DIP2C: variants seen among roughly 807,000 people sequenced by gnomAD.
DIP2C encodes DIP2 acetate--CoA ligase C (putative).
In DIP2C, 33 loss-of-function variants were observed where a neutral mutation model predicts 192.4. The ratio of observed to expected loss-of-function variants is 0.17; its 90% CI spans 0.13 to 0.23. DIP2C has a LOEUF of 0.23. Among genes scored for constraint, DIP2C ranks in the 10% least tolerant of loss-of-function variants. The pLI, the probability that DIP2C is intolerant of heterozygous loss-of-function variation, is 1.00. For synonymous variants in DIP2C, 979 were observed against 864.1 expected (o/e 1.13, Z -2.33); for missense variants, 1,537 against 2,110.1 (o/e 0.73, Z 5.32).
chr10:420,963 G>A (rs946152508), intron 5 of DIP2C, among the ~76,000 whole-genome samples: 11 of 152,182 alleles, frequency 7.2e-5, no homozygotes, highest in Non-Finnish European at 1.2e-4. Context: ...GATCACACAC[G>A]CTACTTTCCT....
intron 1 of DIP2C, among the ~76,000 whole-genome samples, chr10:549,948 A>C (rs942981192): frequency 6.6e-6 from 1 of 150,988 alleles, no homozygotes; most frequent in African/African-American, 2.4e-5. Context: ...AGTCCCCAAC[A>C]CAAGGTCTAC....
At chr10:384,227 G>C (rs1589668740) in intron 15 of DIP2C, 81 bp from the exon 16 acceptor site, 10 of 1,444,574 alleles carry the variant, frequency 6.9e-6, no homozygotes, top group Non-Finnish European at 9.3e-6. Context: ...ATTGTGAGTA[G>C]TGGGGAAGGG....
At chr10:285,803 G>A (rs145613962) in intron 34 of DIP2C, among the ~76,000 whole-genome samples, 28 of 152,352 alleles carry the variant, frequency 1.8e-4, no homozygotes, top group African/African-American at 6.5e-4. Context: ...AACACAATGA[G>A]GCAAAGGTGT....
chr10:282,750 C>A (rs12261918), intron 35 of DIP2C, among the ~76,000 whole-genome samples: 27,994 of 152,296 alleles, frequency 0.18, 3,352 homozygotes, highest in African/African-American at 0.33. Flanking sequence ...GCATCAGCAG[C>A]ACCAGGCCCT....
At chr10:359,341 CAGG>C (rs1048196335) in intron 22 of DIP2C, among the ~76,000 whole-genome samples, 5 of 152,300 alleles carry the variant, frequency 3.3e-5, no homozygotes, top group East Asian at 1.9e-4. Flanking sequence ...CACAGCTGCG[CAGG>C]AGAAGGCACG....
At chr10:507,360 C>T (rs1016811767) in intron 1 of DIP2C, among the ~76,000 whole-genome samples, 2 of 151,784 alleles carry the variant, frequency 1.3e-5, no homozygotes, top group Non-Finnish European at 2.9e-5. Flanking sequence ...CCGCTGTGTC[C>T]AACCAGAGCT....
intron 1 of DIP2C, among the ~76,000 whole-genome samples, chr10:595,810 C>A (rs1851668803): frequency 6.6e-6 from 1 of 152,202 alleles, no homozygotes; most frequent in Non-Finnish European, 1.5e-5. Flanking sequence ...TCCTTCGAAG[C>A]TCAAGCCCAT....
chr10:376,093 C>G (rs185018838), intron 17 of DIP2C, among the ~76,000 whole-genome samples: 17 of 152,346 alleles, frequency 1.1e-4, no homozygotes, highest in South Asian at 2.1e-4. Context: ...CTTTCAAGCT[C>G]TGTGTGTGTA....
At position 585,354 on chromosome 10, in the gene DIP2C, G is replaced by A. The variant is rs531234276; in HGVS notation, c.86-98824C>T. On this transcript the variant is annotated intron_variant, in intron 1 of 36. Coordinates refer to ENST00000280886, the MANE Select transcript of DIP2C (RefSeq NM_014974.3). ...CCTCTCTCCATTCCCTACTGAATTC[G>A]CTCAGAAGACGGGTGTTCCCAAACA... Among the ~76,000 whole-genome samples, 22 of 152,286 alleles carry A rather than the reference G, an allele frequency of 1.4e-4. 1 individual carries two copies. The South Asian group carries it at 3.3e-3, about 23-fold the overall frequency.
At chr10:575,512 TCTG>T (rs960053301) in intron 1 of DIP2C, among the ~76,000 whole-genome samples, 2 of 152,206 alleles carry the variant, frequency 1.3e-5, no homozygotes, top group African/African-American at 4.8e-5. Flanking sequence ...GACAGCGAGC[TCTG>T]CTGAGAGTGT....
chr10:451,100 G>A (rs554152781), intron 3 of DIP2C, among the ~76,000 whole-genome samples: 14 of 152,274 alleles, frequency 9.2e-5, no homozygotes, highest in Admixed American at 2.6e-4. Flanking sequence ...GCCTGTGGGC[G>A]GTGACTGGTG....
At chr10:454,263 G>A (rs902565214) in intron 3 of DIP2C, among the ~76,000 whole-genome samples, 1 of 152,074 alleles carries the variant, frequency 6.6e-6, no homozygotes, top group African/African-American at 2.4e-5. Context: ...AATCACTATT[G>A]CTAGTGAAGA....
At chr10:607,622 T>C (rs1852591008) in intron 1 of DIP2C, among the ~76,000 whole-genome samples, 1 of 152,170 alleles carries the variant, frequency 6.6e-6, no homozygotes, top group Admixed American at 6.5e-5. Flanking sequence ...AGTTTCGACT[T>C]ACAACGGGTT....
intron 8 of DIP2C, among the ~76,000 whole-genome samples, chr10:411,301 CAG>C (rs1361121500): frequency 2.0e-5 from 3 of 152,112 alleles, no homozygotes; most frequent in South Asian, 2.1e-4. Context: ...AAGAGCGTAC[CAG>C]AGAGCTGCTG....
intron 1 of DIP2C, among the ~76,000 whole-genome samples, chr10:679,485 ACACCCC>A (rs1244001208): frequency 5.4e-5 from 1 of 18,654 alleles, no homozygotes; most frequent in Non-Finnish European, 9.1e-5. Context: ...CCTGCTCCCC[ACACCCC>A]TGCTCCCCAC....
At chr10:372,259 G>A (rs1471174349) in intron 17 of DIP2C, among the ~76,000 whole-genome samples, 1 of 152,096 alleles carries the variant, frequency 6.6e-6, no homozygotes, top group Non-Finnish European at 1.5e-5. Context: ...GCTATTAGTA[G>A]AGACGGGGTT....
intron 18 of DIP2C, among the ~76,000 whole-genome samples, chr10:367,932 C>A (rs1240860336): frequency 6.7e-6 from 1 of 150,366 alleles, no homozygotes; most frequent in African/African-American, 2.4e-5. Context: ...CCGGGAAGCC[C>A]GCGGTTGCTC....
intron 33 of DIP2C, among the ~76,000 whole-genome samples, 173 bp downstream of exon 33, chr10:288,191 G>C (rs936511429): frequency 6.6e-6 from 1 of 152,112 alleles, no homozygotes; most frequent in African/African-American, 2.4e-5. Flanking sequence ...GAGGAAAAAA[G>C]TCTAACTTGT....
intron 32 of DIP2C, among the ~76,000 whole-genome samples, chr10:297,891 T>C (rs1459015513): frequency 1.3e-5 from 2 of 152,228 alleles, no homozygotes; most frequent in African/African-American, 4.8e-5. Flanking sequence ...TTGAAACATA[T>C]ACCCTATGAG....
Sources: allele counts gnomAD v4.1 joint callset (sites outside exome capture counted in the v4.1 genomes callset), GRCh38; gene constraint gnomAD v4.1.1; transcripts MANE v1.5; gene names NCBI Gene and HGNC (gene_info 2026-07-23, HGNC 2026-07-21).